The following TRIP12 variants were observed in gnomAD, a reference collection of about 807,000 sequenced individuals.
The protein encoded by TRIP12 is thyroid hormone receptor interactor 12.
A neutral mutation model predicts 244.2 loss-of-function variants in TRIP12; 25 were observed. The observed-to-expected ratio is 0.10, with a 90% CI of 0.07 to 0.14. The LOEUF is 0.14. Among genes scored for constraint, TRIP12 ranks in the 10% least tolerant of loss-of-function variants. The pLI is 1.00. For missense variants in TRIP12, 1,677 were observed against 2,486.4 expected (o/e 0.67, Z 6.92); for synonymous variants, 905 against 873.1 (o/e 1.04, Z -0.64).
chr2:229,899,539 C>T (rs1396894226), intron 1 of TRIP12, among the ~76,000 whole-genome samples: 1 of 152,096 alleles, frequency 6.6e-6, no homozygotes, highest in Non-Finnish European at 1.5e-5. Flanking sequence ...TGGTAGGATG[C>T]ATGCAAGGTT....
intron 5 of TRIP12, among the ~76,000 whole-genome samples, chr2:229,839,969 T>G (rs2055967524): frequency 6.6e-6 from 1 of 152,208 alleles, no homozygotes; most frequent in South Asian, 2.1e-4. Flanking sequence ...ACTACACCTT[T>G]TCTTGAGCGA....
chr2:229,808,693 C>T (rs191999648), intron 15 of TRIP12, among the ~76,000 whole-genome samples: 247 of 152,282 alleles, frequency 1.6e-3, no homozygotes, highest in African/African-American at 5.8e-3. Context: ...CACAAAAATG[C>T]ATTCAACATA....
Position 229,803,627 on chromosome 2 carries a change from G to T in TRIP12, c.2942C>A (p.Ala981Glu). The change falls in exon 20 of 42, where the codon GCA (alanine) becomes GAA (glutamate). Residue 981 changes from alanine (A) to glutamate (E), a missense_variant. Around this residue, in one of 11 missense-constraint regions of TRIP12, gnomAD observed 572 missense variants for 867.8 expected, o/e 0.66. Coordinates refer to ENST00000675903, the MANE Select transcript of TRIP12 (RefSeq NM_001348323.3). ...AGGTAACTTCTGCATTAAAATTTCT[G>T]CCATCTGAAGTGCTCCCACTACTAT... The part of the protein sequence containing the change: ...LKIVVGALQM[A>E]EILMQKLPDI... 6.2e-7 allele frequency: 1 copy of T among 1,613,486 alleles called. No individual in the cohort carries two copies. The highest frequency in any genetic ancestry group is 8.5e-7 in the Non-Finnish European group (1 of 1,179,808).
At chr2:229,794,394 C>T (rs1363937878) in intron 26 of TRIP12, among the ~76,000 whole-genome samples, 1 of 152,046 alleles carries the variant, frequency 6.6e-6, no homozygotes, top group African/African-American at 2.4e-5. Context: ...AAGTGAGACC[C>T]CGTCTCTACA....
intron 8 of TRIP12, among the ~76,000 whole-genome samples, 184 bp from the exon 9 acceptor site, chr2:229,818,696 T>G (rs1301288261): frequency 1.3e-5 from 2 of 152,232 alleles, no homozygotes; most frequent in African/African-American, 4.8e-5. Context: ...TTGGATCTAC[T>G]CTGCCTTAAC....
intron 1 of TRIP12, among the ~76,000 whole-genome samples, chr2:229,897,034 G>A (rs954979793): frequency 2.6e-5 from 4 of 152,184 alleles, no homozygotes; most frequent in African/African-American, 9.7e-5. Context: ...GGTGGGGGAT[G>A]TTGATCACAG....
intron 2 of TRIP12, among the ~76,000 whole-genome samples, chr2:229,866,377 A>C (rs1255028086): frequency 1.3e-5 from 2 of 152,202 alleles, no homozygotes; most frequent in Non-Finnish European, 1.5e-5. Context: ...CAGATGCACT[A>C]TAATTTTGTG....
chr2:229,856,404 T>C (rs761877471), intron 4 of TRIP12, among the ~76,000 whole-genome samples: 4 of 152,204 alleles, frequency 2.6e-5, no homozygotes, highest in Admixed American at 1.3e-4. Context: ...TGTTTCCTGA[T>C]TGAAACACCA....
chr2:229,879,789 T>C (rs1028524501), intron 2 of TRIP12, among the ~76,000 whole-genome samples, 193 bp downstream of exon 2: 4 of 152,260 alleles, frequency 2.6e-5, no homozygotes, highest in African/African-American at 9.6e-5. Context: ...AACTACTTCT[T>C]TGAGTCTAGC....
chr2:229,772,456 G>C (rs1269449559), intron 38 of TRIP12, among the ~76,000 whole-genome samples: 1 of 152,006 alleles, frequency 6.6e-6, no homozygotes, highest in Non-Finnish European at 1.5e-5. Flanking sequence ...AAGTAACAGG[G>C]GACTCTGGTT....
At chr2:229,856,959 C>T (rs1240124730) in intron 4 of TRIP12, among the ~76,000 whole-genome samples, 2 of 152,266 alleles carry the variant, frequency 1.3e-5, no homozygotes, top group Admixed American at 6.5e-5. Context: ...ACCTATCATA[C>T]AGGTTAAACA....
chr2:229,879,203 A>G (rs2064308346), intron 2 of TRIP12, among the ~76,000 whole-genome samples: 1 of 152,156 alleles, frequency 6.6e-6, no homozygotes, highest in Non-Finnish European at 1.5e-5. Context: ...GTGAGCTGAA[A>G]TAGTGCCACT....
intron 31 of TRIP12, among the ~76,000 whole-genome samples, chr2:229,789,383 C>T (rs2040857806): frequency 6.6e-6 from 1 of 152,172 alleles, no homozygotes; most frequent in Admixed American, 6.5e-5. Flanking sequence ...AGCTTAATTT[C>T]ATAAATTTAT....
chr2:229,916,650 C>T (rs2075445456), intron 1 of TRIP12, among the ~76,000 whole-genome samples: 1 of 152,178 alleles, frequency 6.6e-6, no homozygotes, highest in African/African-American at 2.4e-5. Flanking sequence ...GGGTAAGTTC[C>T]TTTTTCTTCT....
At chr2:229,804,278 G>A in intron 18 of TRIP12, 51 bp from the exon 19 acceptor site, 1 of 1,445,024 alleles carries the variant, frequency 6.9e-7, no homozygotes, top group South Asian at 1.3e-5. Flanking sequence ...ACAGACTTCA[G>A]AAACACAATA....
rs1036226910 is a variant in TRIP12, at chr2:229,869,490, T to C, written c.99-8959A>G. Among the ~76,000 whole-genome samples the C allele has an allele frequency of 1.9e-4, 29 of 152,212 alleles. 1 individual carries two copies. Among genetic ancestry groups the C allele is most frequent in the Admixed American group, 6.5e-5 (1 of 15,288 alleles). ...GCTTCAGCCTCAGAGCCCAGATCAA[T>C]GAGGTCATCTCTAGAAATGTTTCTC... On this transcript the variant is annotated intron_variant, in intron 2 of 41. Coordinates refer to ENST00000675903, the MANE Select transcript of TRIP12 (RefSeq NM_001348323.3).
In TRIP12 at chr2:229,840,874, T is replaced by C. The variant is rs2056256482; in HGVS notation, c.1081A>G (p.Ser361Gly). 1 of 1,610,772 alleles carries C rather than the reference T, an allele frequency of 6.2e-7. No homozygotes were observed. Among genetic ancestry groups the C allele is most frequent in the Admixed American group, 1.7e-5 (1 of 59,210 alleles). Reference sequence around the variant, plus strand: ...TTTTGGCGTGTGCTCCGCCTCAAACTGGGGAGCTCAGCAGGTGGAGACTCA... The same window carrying C: ...TTTTGGCGTGTGCTCCGCCTCAAACCGGGGAGCTCAGCAGGTGGAGACTCA... ...RSESPPAELP[S>G]LRRSTRQKTT... The change falls in exon 5 of 42, where the codon AGT becomes GGT. Residue 361 changes from serine (S) to glycine (G), a missense_variant. Ser to Gly is a moderately conservative substitution (Grantham distance 56). Around this residue, in one of 11 missense-constraint regions of TRIP12, gnomAD observed 143 missense variants for 215.6 expected, o/e 0.66. Coordinates refer to ENST00000675903, the MANE Select transcript of TRIP12 (RefSeq NM_001348323.3).
At chr2:229,837,879 T>A (rs1439290118) in intron 5 of TRIP12, among the ~76,000 whole-genome samples, 1 of 152,104 alleles carries the variant, frequency 6.6e-6, no homozygotes, top group African/African-American at 2.4e-5. Context: ...ACCACTTATT[T>A]CTCCTATAGA....
chr2:229,827,077 G>A (rs540334608), intron 8 of TRIP12, among the ~76,000 whole-genome samples: 2 of 151,982 alleles, frequency 1.3e-5, no homozygotes, highest in South Asian at 4.1e-4. Context: ...TCAGGAGATC[G>A]AGAACATCCT....
Sources: gnomAD v4.1 joint callset for allele counts (sites outside exome capture counted in the v4.1 genomes callset) on GRCh38, gnomAD v4.1.1 for gene constraint, gnomAD v4.1.1 regional missense constraint, MANE v1.5 for transcripts, NCBI Gene and HGNC (gene_info 2026-07-23, HGNC 2026-07-21) for gene names.